The following MAML2 variants were observed in gnomAD, a reference collection of about 807,000 sequenced individuals.
MAML2 encodes the protein mastermind like transcriptional coactivator 2, also known as mastermind-like protein 2.
A neutral mutation model predicts 96.1 loss-of-function variants in MAML2; 22 were observed. The ratio of observed to expected loss-of-function variants is 0.23; its 90% CI spans 0.16 to 0.33. The LOEUF is 0.33. Ranked by LOEUF, MAML2 falls within the 10% of genes least tolerant of loss-of-function variation. The pLI is 1.00. For missense variants in MAML2, 1,367 were observed against 1,392.4 expected (o/e 0.98, Z 0.29); for synonymous variants, 561 against 521.3 (o/e 1.08, Z -1.04).
chr11:96,049,369 T>C (rs889441588), intron 2 of MAML2, among the ~76,000 whole-genome samples: 2 of 152,252 alleles, frequency 1.3e-5, no homozygotes, highest in African/African-American at 4.8e-5. Context: ...AATTTAACTT[T>C]CTTTCCATTT....
At chr11:96,270,903 G>A in intron 1 of MAML2, among the ~76,000 whole-genome samples, 1 of 152,198 alleles carries the variant, frequency 6.6e-6, no homozygotes, top group East Asian at 1.9e-4. Context: ...AATGTGGGTA[G>A]GTACCATCTA....
intron 1 of MAML2, among the ~76,000 whole-genome samples, chr11:96,190,744 T>C (rs1861641242): frequency 6.6e-6 from 1 of 152,168 alleles, no homozygotes; most frequent in South Asian, 2.1e-4. Context: ...ATATCAGTTG[T>C]ACAAAATGAG....
intron 1 of MAML2, among the ~76,000 whole-genome samples, chr11:96,236,668 T>A (rs902471736): frequency 6.6e-6 from 1 of 152,018 alleles, no homozygotes; most frequent in Non-Finnish European, 1.5e-5. Flanking sequence ...CGCTTGAGAG[T>A]TTTTATAAAA....
At chr11:96,287,835 C>T (rs1420233280) in intron 1 of MAML2, among the ~76,000 whole-genome samples, 1 of 152,166 alleles carries the variant, frequency 6.6e-6, no homozygotes, top group East Asian at 1.9e-4. Context: ...GATTAAATGG[C>T]TAAAAAGTTA....
chr11:96,141,174 T>C (rs892915840), intron 1 of MAML2, among the ~76,000 whole-genome samples: 2 of 152,142 alleles, frequency 1.3e-5, no homozygotes, highest in African/African-American at 4.8e-5. Flanking sequence ...TGCTTACTTT[T>C]AGGCTGGAGT....
intron 2 of MAML2, among the ~76,000 whole-genome samples, chr11:96,035,327 G>T (rs1858693596): frequency 6.6e-6 from 1 of 152,286 alleles, no homozygotes; most frequent in Middle Eastern, 3.4e-3. Flanking sequence ...CAAATAGAGT[G>T]TCTTTTAAAA....
chr11:96,256,070 C>T (rs749101327), intron 1 of MAML2, among the ~76,000 whole-genome samples: 4 of 152,052 alleles, frequency 2.6e-5, no homozygotes, highest in Admixed American at 6.5e-5. Flanking sequence ...GACGGGGTTT[C>T]ACCACTGTGG....
intron 1 of MAML2, among the ~76,000 whole-genome samples, chr11:96,310,963 T>C (rs1026181580): frequency 2.0e-5 from 3 of 152,216 alleles, no homozygotes; most frequent in Non-Finnish European, 4.4e-5. Context: ...ATGTGTTCAA[T>C]GGCTAACATC....
intron 2 of MAML2, among the ~76,000 whole-genome samples, chr11:96,023,237 T>C (rs1477469790): frequency 1.3e-5 from 2 of 152,164 alleles, no homozygotes; most frequent in Admixed American, 1.3e-4. Context: ...CCCTTCCTGA[T>C]TTGCAGTCGC....
intron 1 of MAML2, among the ~76,000 whole-genome samples, chr11:96,183,330 A>AT (rs11398412): frequency 1 from 148,897 of 148,984 alleles, 74,405 homozygotes; most frequent in Middle Eastern, 1. Context: ...TGAATTTTAG[A>AT]TTTTTTATTT....
chr11:96,146,199 TATA>T (rs1417650261), intron 1 of MAML2, among the ~76,000 whole-genome samples: 1 of 152,200 alleles, frequency 6.6e-6, no homozygotes, highest in African/African-American at 2.4e-5. Flanking sequence ...ATATAATTTT[TATA>T]ATATTATTGG....
intron 1 of MAML2, among the ~76,000 whole-genome samples, chr11:96,165,803 C>T (rs1030684532): frequency 1.3e-5 from 2 of 152,306 alleles, no homozygotes; most frequent in Non-Finnish European, 2.9e-5. Context: ...ACAGCATTAC[C>T]AATTTTAAAA....
chr11:96,053,603 GAGA>G (rs1353672359), intron 2 of MAML2, among the ~76,000 whole-genome samples: 3 of 150,702 alleles, frequency 2.0e-5, no homozygotes, highest in Non-Finnish European at 4.4e-5. Flanking sequence ...GTCTGGAAGA[GAGA>G]AGGAGGGTTA....
chr11:96,082,579 C>T (rs778109500), intron 2 of MAML2, among the ~76,000 whole-genome samples: 3 of 152,082 alleles, frequency 2.0e-5, no homozygotes, highest in Non-Finnish European at 2.9e-5. Context: ...GCTGTGAGGT[C>T]GAGCCCCAGG....
chr11:96,166,625 A>G (rs1591050511), intron 1 of MAML2, among the ~76,000 whole-genome samples: 1 of 152,322 alleles, frequency 6.6e-6, no homozygotes, highest in East Asian at 1.9e-4. Context: ...CTGCATTCTG[A>G]GGTTCGCTGG....
chr11:96,014,518 T>G (rs535271962), intron 2 of MAML2, among the ~76,000 whole-genome samples: 1 of 152,176 alleles, frequency 6.6e-6, no homozygotes, highest in African/African-American at 2.4e-5. Flanking sequence ...GAGAGAAAGC[T>G]TTCAGGTTTT....
intron 1 of MAML2, among the ~76,000 whole-genome samples, chr11:96,297,043 A>T (rs958581744): frequency 1.3e-5 from 2 of 152,072 alleles, no homozygotes; most frequent in Non-Finnish European, 2.9e-5. Flanking sequence ...CCACCTGTGC[A>T]CATCATAGGT....
At chr11:96,053,776 C>T (rs1467755945) in intron 2 of MAML2, among the ~76,000 whole-genome samples, 1 of 152,202 alleles carries the variant, frequency 6.6e-6, no homozygotes, top group Non-Finnish European at 1.5e-5. Context: ...TTCTCCTTAG[C>T]GGTGGCTGAT....
chr11:96,089,001 A>G (rs946330386), intron 2 of MAML2, among the ~76,000 whole-genome samples: 1 of 152,122 alleles, frequency 6.6e-6, no homozygotes, highest in African/African-American at 2.4e-5. Flanking sequence ...AAGAGCTTCA[A>G]GTAACAAATC....
Sources: allele counts gnomAD v4.1 joint callset (sites outside exome capture counted in the v4.1 genomes callset), GRCh38; gene constraint gnomAD v4.1.1; transcripts MANE v1.5; gene names NCBI Gene and HGNC (gene_info 2026-07-23, HGNC 2026-07-21).